IDE: variants seen among roughly 807,000 people sequenced by gnomAD.
The protein encoded by IDE is insulin-degrading enzyme.
In IDE, 58 loss-of-function variants were observed where a neutral mutation model predicts 133.2. The observed-to-expected ratio is 0.44, with a 90% CI of 0.35 to 0.54. The LOEUF (loss-of-function observed/expected upper bound fraction) is 0.54. IDE is among the 20% of genes least tolerant of loss of function. The pLI, the probability that IDE is intolerant of heterozygous loss-of-function variation, is 0.00. For synonymous variants in IDE, 396 were observed against 421.3 expected (o/e 0.94, Z 0.73); for missense variants, 981 against 1,234.0 (o/e 0.79, Z 3.07).
At chr10:92,502,715 G>A (rs1159604765) in intron 11 of IDE, among the ~76,000 whole-genome samples, 2 of 152,144 alleles carry the variant, frequency 1.3e-5, no homozygotes, top group Non-Finnish European at 2.9e-5. Context: ...AACTTTCTCT[G>A]TTGTTCACTG....
At chr10:92,556,196 A>AAG (rs1285022089) in intron 1 of IDE, among the ~76,000 whole-genome samples, 1 of 151,270 alleles carries the variant, frequency 6.6e-6, no homozygotes, top group Non-Finnish European at 1.5e-5. Context: ...AAAAAAAAAA[A>AAG]AAAAGAAAGA....
chr10:92,544,127 G>C (rs2135728791), intron 1 of IDE, among the ~76,000 whole-genome samples: 1 of 152,142 alleles, frequency 6.6e-6, no homozygotes, highest in Admixed American at 6.5e-5. Context: ...CAGCTACTTG[G>C]GAGGCTGAGG....
At chr10:92,476,098 G>A in intron 15 of IDE, 104 bp from the exon 16 acceptor site, 1 of 616,380 alleles carries the variant, frequency 1.6e-6, no homozygotes, top group Admixed American at 3.3e-5. Context: ...AAACAGACAT[G>A]TAAAAAATGA....
intron 4 of IDE, among the ~76,000 whole-genome samples, chr10:92,524,517 A>ATATAT (rs759953696): frequency 0.082 from 4,377 of 53,266 alleles, 919 homozygotes; most frequent in Admixed American, 0.12. Flanking sequence ...AATATATAAT[A>ATATAT]TATATTATAT....
chr10:92,503,182 C>T (rs901793538), intron 11 of IDE, among the ~76,000 whole-genome samples: 22 of 152,066 alleles, frequency 1.4e-4, no homozygotes, highest in African/African-American at 4.8e-4. Context: ...GCTGTAATCC[C>T]AGCACTTTGT....
At chr10:92,490,629 T>G (rs369955442) in intron 11 of IDE, 34 bp from the exon 12 acceptor site, 2 of 1,245,424 alleles carry the variant, frequency 1.6e-6, no homozygotes, top group African/African-American at 3.0e-5. Flanking sequence ...AAAAACCCTG[T>G]AAACTCATAC....
chr10:92,523,551 ATTAG>A (rs1472990096), intron 4 of IDE, among the ~76,000 whole-genome samples: 2 of 148,156 alleles, frequency 1.3e-5, no homozygotes, highest in Non-Finnish European at 3.0e-5. Context: ...AAAAAAAAAA[ATTAG>A]TTAGGCATTG....
intron 22 of IDE, among the ~76,000 whole-genome samples, chr10:92,458,490 GTTTTTTTTTTT>G (rs71028821): frequency 1.8e-4 from 15 of 83,878 alleles, no homozygotes; most frequent in South Asian, 6.6e-4. Flanking sequence ...TACTCTCTCT[GTTTTTTTTTTT>G]TTTTTTTTTT....
chr10:92,461,953 C>G (rs1845416258), intron 21 of IDE, among the ~76,000 whole-genome samples: 1 of 152,102 alleles, frequency 6.6e-6, no homozygotes, highest in South Asian at 2.1e-4. Context: ...GGATTACAGG[C>G]GTGAGCCACT....
chr10:92,509,721 GATCA>G (rs1464088551), intron 6 of IDE, among the ~76,000 whole-genome samples: 4 of 152,048 alleles, frequency 2.6e-5, no homozygotes, highest in African/African-American at 9.7e-5. Flanking sequence ...AGGAGTTCGA[GATCA>G]GTCAAGGCAA....
chr10:92,471,183 C>G (rs1386454459), intron 17 of IDE, among the ~76,000 whole-genome samples: 1 of 152,016 alleles, frequency 6.6e-6, no homozygotes, highest in Admixed American at 6.6e-5. Context: ...TTTTCTATTT[C>G]CCTCTTTCTT....
At chr10:92,573,245 A>C in intron 1 of IDE, 1 of 917,306 alleles carries the variant, frequency 1.1e-6, no homozygotes. Flanking sequence ...TTTTGCCACA[A>C]TCTCGGCAGT....
At chr10:92,559,906 T>G (rs1843197094) in intron 1 of IDE, among the ~76,000 whole-genome samples, 3 of 151,912 alleles carry the variant, frequency 2.0e-5, no homozygotes, top group African/African-American at 7.3e-5. Flanking sequence ...CTCGGCTAAT[T>G]TTTTATTTTT....
rs190207025 is a variant in IDE, at chr10:92,503,290, A to T, written c.1430+1504T>A. Among the ~76,000 whole-genome samples the T allele has an allele frequency of 7.2e-5, 11 of 152,282 alleles. No individual in the cohort carries two copies. The East Asian group carries it at 1.3e-3, about 19-fold the overall frequency. ...TAAAAAATTGTTCTTGAAGCTAGAT[A>T]ATTATCTGTACTCATCCAAACACTG... On this transcript the variant is annotated intron_variant, in intron 11 of 24. Transcript: ENST00000265986.
chr10:92,564,349 T>C (rs1191081407), intron 1 of IDE, among the ~76,000 whole-genome samples: 4 of 152,092 alleles, frequency 2.6e-5, no homozygotes, highest in Non-Finnish European at 5.9e-5. Flanking sequence ...ATGGAACCAA[T>C]AGATCATCTA....
chr10:92,534,799 C>G lies in IDE; in HGVS notation c.284-14G>C, dbSNP rs1207706691. The G allele has an allele frequency of 6.3e-7, 1 of 1,593,086 alleles. No homozygotes were observed. The highest frequency in any genetic ancestry group is 8.6e-7 in the Non-Finnish European group (1 of 1,163,550). ...CCGACAATGAACCTGAAAGAGAAAACACGTATATAATAAATCATTGTCCTA... is the reference window on the plus strand; with the variant it reads ...CCGACAATGAACCTGAAAGAGAAAAGACGTATATAATAAATCATTGTCCTA... On this transcript the variant is annotated splice_polypyrimidine_tract_variant and intron_variant, in intron 2 of 24. Transcript: ENST00000265986.
intron 4 of IDE, among the ~76,000 whole-genome samples, chr10:92,528,252 C>T (rs920061291): frequency 1.3e-5 from 2 of 151,982 alleles, no homozygotes; most frequent in African/African-American, 4.8e-5. Context: ...CCTTTGAAAC[C>T]TCCATTAATC....
At chr10:92,573,196 A>G (rs1384898100) in intron 1 of IDE, 2 of 985,254 alleles carry the variant, frequency 2.0e-6, no homozygotes, top group Non-Finnish European at 2.4e-6. Context: ...TGGAGAGGGC[A>G]CGCCGCCGGA....
intron 1 of IDE, among the ~76,000 whole-genome samples, chr10:92,543,415 TAAC>T (rs927939310): frequency 2.6e-5 from 4 of 152,294 alleles, no homozygotes; most frequent in Admixed American, 2.0e-4. Flanking sequence ...AACTAAAAAA[TAAC>T]AACATGTCTT....
Sources: gnomAD v4.1 joint callset for allele counts (sites outside exome capture counted in the v4.1 genomes callset) on GRCh38, gnomAD v4.1.1 for gene constraint, MANE v1.5 for transcripts, NCBI Gene and HGNC (gene_info 2026-07-23, HGNC 2026-07-21) for gene names.